The following TBC1D19 variants were observed in gnomAD, a reference collection of about 807,000 sequenced individuals.
TBC1D19 encodes the protein TBC1 domain family, member 19.
In TBC1D19, 60 loss-of-function variants were observed where a neutral mutation model predicts 89.0. That is an observed-to-expected ratio of 0.67 (90% confidence interval 0.55 to 0.84). TBC1D19 has a LOEUF of 0.84. TBC1D19 is among the 40% of genes least tolerant of loss of function. The pLI is 0.00. For missense variants in TBC1D19, 500 were observed against 610.8 expected, an observed-to-expected ratio of 0.82 and a Z score of 1.91; for synonymous variants, 189 against 199.7, an observed-to-expected ratio of 0.95 and a Z score of 0.45.
chr4:26,817,025 T>G, the TBC1D19 span, among the ~76,000 whole-genome samples: 2 of 152,224 alleles, frequency 1.3e-5, no homozygotes, highest in African/African-American at 4.8e-5. Context: ...TATGCTACTT[T>G]AGTAGGAGCA....
chr4:26,820,232 A>G, the TBC1D19 span, among the ~76,000 whole-genome samples: 1 of 150,652 alleles, frequency 6.6e-6, no homozygotes, highest in African/African-American at 2.4e-5. Flanking sequence ...GTTATTCACT[A>G]TGGTTACCAT....
chr4:26,625,899 G>C (rs1427529421), intron 4 of TBC1D19, among the ~76,000 whole-genome samples: 1 of 152,064 alleles, frequency 6.6e-6, no homozygotes, highest in Non-Finnish European at 1.5e-5. Flanking sequence ...GGTAGTATTT[G>C]TGAGCCTTCT....
chr4:26,842,075 A>AT, the TBC1D19 span, among the ~76,000 whole-genome samples: 1 of 152,126 alleles, frequency 6.6e-6, no homozygotes, highest in African/African-American at 2.4e-5. Context: ...TTTAATGGCA[A>AT]TTTTCCTGCT....
At chr4:26,654,369 G>C (rs984600950) in intron 7 of TBC1D19, among the ~76,000 whole-genome samples, 1 of 152,000 alleles carries the variant, frequency 6.6e-6, no homozygotes, top group Non-Finnish European at 1.5e-5. Flanking sequence ...TGCTCTTCTC[G>C]AGGAGTATCT....
chr4:26,721,021 G>A (rs1232801097), intron 15 of TBC1D19, among the ~76,000 whole-genome samples: 1 of 152,032 alleles, frequency 6.6e-6, no homozygotes, highest in African/African-American at 2.4e-5. Flanking sequence ...CTCTCCCTGT[G>A]TCTCTCAATA....
chr4:26,724,560 T>G (rs1717184691), intron 15 of TBC1D19, among the ~76,000 whole-genome samples: 1 of 152,216 alleles, frequency 6.6e-6, no homozygotes, highest in African/African-American at 2.4e-5. Context: ...ACTGAAGTCT[T>G]TATTTTAGTA....
upstream of TBC1D19, chr4:26,583,865 C>G (rs1739237417): frequency 3.2e-6 from 1 of 316,782 alleles, no homozygotes; most frequent in East Asian, 7.5e-5. Context: ...TCTCCGTGTC[C>G]CCCTTGTGCA....
intron 1 of TBC1D19, among the ~76,000 whole-genome samples, chr4:26,595,976 A>G (rs960023022): frequency 6.6e-6 from 1 of 151,970 alleles, no homozygotes; most frequent in Admixed American, 6.6e-5. Flanking sequence ...ATTTTTTTTG[A>G]GAGAGAGTGT....
At chr4:26,831,807 A>G in the TBC1D19 span, among the ~76,000 whole-genome samples, 2 of 151,902 alleles carry the variant, frequency 1.3e-5, no homozygotes, top group Non-Finnish European at 2.9e-5. Context: ...TAGCCAGAAT[A>G]GTCTCAATCT....
At chr4:26,586,710 G>A (rs1007038560) in intron 1 of TBC1D19, among the ~76,000 whole-genome samples, 3 of 151,990 alleles carry the variant, frequency 2.0e-5, no homozygotes, top group Non-Finnish European at 4.4e-5. Context: ...TAAGTATTTT[G>A]TGGTTTTTGA....
At position 26,626,748 on chromosome 4, in the gene TBC1D19, G is replaced by A. The variant is rs867913493; in HGVS notation, c.294+6060G>A. 5.3e-5 allele frequency among the ~76,000 whole-genome samples: 8 copies of A among 151,710 alleles called. No individual in the cohort carries two copies. In the South Asian group the frequency reaches 1.7e-3, roughly 32 times the overall value. On this transcript the variant is annotated intron_variant, in intron 4 of 20. Transcript: ENST00000264866. ...TTCAGTTCTCACCCTCTTCCTAATG[G>A]TCTTTTTGCCTTCTATACTGTCACT...
intron 15 of TBC1D19, among the ~76,000 whole-genome samples, chr4:26,723,806 TACAA>T (rs1717131293): frequency 6.6e-6 from 1 of 152,184 alleles, no homozygotes; most frequent in Admixed American, 6.5e-5. Flanking sequence ...CAGTAAATGA[TACAA>T]ACAAAGTACC....
the TBC1D19 span, among the ~76,000 whole-genome samples, chr4:26,815,988 A>ACCG: frequency 4.6e-5 from 7 of 152,042 alleles, no homozygotes; most frequent in Admixed American, 2.6e-4. Flanking sequence ...CTGAAGCACC[A>ACCG]TTCAGAGGAG....
chr4:26,642,477 G>A (rs1391620365), intron 7 of TBC1D19, among the ~76,000 whole-genome samples: 1 of 152,162 alleles, frequency 6.6e-6, no homozygotes, highest in Non-Finnish European at 1.5e-5. Flanking sequence ...GCAAAAACAT[G>A]CCAAATTGTA....
intron 13 of TBC1D19, among the ~76,000 whole-genome samples, chr4:26,692,902 ATATC>A (rs373572977): frequency 6.5e-4 from 99 of 152,326 alleles, no homozygotes; most frequent in African/African-American, 2.3e-3. Context: ...GAGGAACCTA[ATATC>A]TGGCTGTGAT....
chr4:26,593,454 A>G (rs2109958407), intron 1 of TBC1D19, among the ~76,000 whole-genome samples: 1 of 152,348 alleles, frequency 6.6e-6, no homozygotes, highest in South Asian at 2.1e-4. Context: ...CTAAAACACC[A>G]AAAGCAATGG....
the TBC1D19 span, among the ~76,000 whole-genome samples, chr4:26,830,661 G>A: frequency 1.3e-5 from 2 of 152,192 alleles, no homozygotes; most frequent in East Asian, 3.9e-4. Flanking sequence ...AAAGAACCAG[G>A]GCCCAAACTG....
chr4:26,787,450 G>A, the TBC1D19 span, among the ~76,000 whole-genome samples: 5 of 152,076 alleles, frequency 3.3e-5, no homozygotes, highest in Non-Finnish European at 4.4e-5. Context: ...GTTTCCAGGT[G>A]GACATGGGAT....
At chr4:26,829,428 T>A in the TBC1D19 span, among the ~76,000 whole-genome samples, 1 of 152,220 alleles carries the variant, frequency 6.6e-6, no homozygotes, top group Non-Finnish European at 1.5e-5. Context: ...CTAGAATGAT[T>A]TGCCCAAGGC....
Sources: allele counts gnomAD v4.1 joint callset (sites outside exome capture counted in the v4.1 genomes callset), GRCh38; gene constraint gnomAD v4.1.1; transcripts MANE v1.5; gene names NCBI Gene and HGNC (gene_info 2026-07-23, HGNC 2026-07-21).